The following TBC1D9 variants were observed in gnomAD, a reference collection of about 807,000 sequenced individuals.
The protein encoded by TBC1D9 is TBC1 domain family member 9.
Under a neutral mutation model 132.0 loss-of-function variants are expected in TBC1D9, and 63 were observed. That is an observed-to-expected ratio of 0.48 (90% CI 0.39 to 0.59). TBC1D9 has a LOEUF of 0.59. TBC1D9 is among the 20% of genes least tolerant of loss of function. The pLI is 0.00. For synonymous variants in TBC1D9, 610 were observed against 609.9 expected (o/e 1.00, Z 0.00); for missense variants, 1,261 against 1,592.7 (o/e 0.79, Z 3.54).
intron 15 of TBC1D9, among the ~76,000 whole-genome samples, chr4:140,638,670 G>A (rs1395823240): frequency 9.9e-5 from 15 of 152,004 alleles, no homozygotes; most frequent in Admixed American, 9.8e-4. Flanking sequence ...ATTAGGAAAG[G>A]AAAATCACAG....
intron 18 of TBC1D9, among the ~76,000 whole-genome samples, chr4:140,625,123 A>G (rs1361249769): frequency 1.3e-5 from 2 of 152,172 alleles, no homozygotes; most frequent in Non-Finnish European, 2.9e-5. Flanking sequence ...GCTTGCCCCA[A>G]TGAATGTTGA....
chr4:140,719,767 C>T, intron 1 of TBC1D9, among the ~76,000 whole-genome samples: 1 of 152,166 alleles, frequency 6.6e-6, no homozygotes, highest in East Asian at 1.9e-4. Flanking sequence ...TTCAAGGGTA[C>T]ATAGCTCAAG....
In TBC1D9 at chr4:140,690,338, A is replaced by G. The variant is rs374030774; in HGVS notation, c.242-3876T>C. ...TGCTGTCCCACACTGCCCACTGTCC[A>G]TCATTTCCATAATCCCCACCATCCA... On this transcript the variant is annotated intron_variant, in intron 2 of 20. Transcript: ENST00000442267. Among the ~76,000 whole-genome samples the G allele has an allele frequency of 2.0e-4, 31 of 152,186 alleles. No individual in the cohort carries two copies. In the East Asian group the frequency reaches 3.5e-3, roughly 17 times the overall value.
intron 1 of TBC1D9, among the ~76,000 whole-genome samples, chr4:140,718,146 G>A (rs143004610): frequency 2.6e-4 from 39 of 150,078 alleles, no homozygotes; most frequent in Admixed American, 1.0e-3. Context: ...TGAGTAAATA[G>A]TATATAGTTT....
chr4:140,625,123 A>T (rs1361249769), intron 18 of TBC1D9, among the ~76,000 whole-genome samples: 1 of 152,172 alleles, frequency 6.6e-6, no homozygotes, highest in Non-Finnish European at 1.5e-5. Flanking sequence ...GCTTGCCCCA[A>T]TGAATGTTGA....
intron 18 of TBC1D9, among the ~76,000 whole-genome samples, chr4:140,626,825 C>T (rs1440322701): frequency 6.6e-6 from 1 of 152,112 alleles, no homozygotes; most frequent in African/African-American, 2.4e-5. Context: ...CTGTTTTAGC[C>T]ACTCAATTCT....
chr4:140,726,488 C>T (rs1383714939), intron 1 of TBC1D9, among the ~76,000 whole-genome samples: 1 of 152,012 alleles, frequency 6.6e-6, no homozygotes. Context: ...AAAGTAGAGA[C>T]ATTCTCACAA....
intron 6 of TBC1D9, among the ~76,000 whole-genome samples, chr4:140,675,538 C>A (rs1343645324): frequency 6.6e-6 from 1 of 152,152 alleles, no homozygotes; most frequent in African/African-American, 2.4e-5. Context: ...AGCCTCACAG[C>A]AAAGCTTCCA....
At chr4:140,627,871 T>C (rs1736733217) in intron 17 of TBC1D9, among the ~76,000 whole-genome samples, 1 of 152,224 alleles carries the variant, frequency 6.6e-6, no homozygotes, top group Non-Finnish European at 1.5e-5. Flanking sequence ...CTACCTCTAT[T>C]GTTCGTGCCA....
At chr4:140,672,236 T>C (rs1737549414) in intron 6 of TBC1D9, among the ~76,000 whole-genome samples, 1 of 149,220 alleles carries the variant, frequency 6.7e-6, no homozygotes, top group East Asian at 1.9e-4. Context: ...ATACATTATA[T>C]ATTAAACATA....
chr4:140,674,883 T>G (rs1737598814), intron 6 of TBC1D9, among the ~76,000 whole-genome samples: 1 of 151,904 alleles, frequency 6.6e-6, no homozygotes, highest in Admixed American at 6.6e-5. Flanking sequence ...AAATTTTTAA[T>G]TTTTAATAGA....
chr4:140,743,423 G>A (rs1197259881), intron 1 of TBC1D9, among the ~76,000 whole-genome samples: 4 of 152,180 alleles, frequency 2.6e-5, no homozygotes, highest in Non-Finnish European at 5.9e-5. Context: ...TTTTAAATAA[G>A]GGAATTAAGC....
Position 140,668,433 on chromosome 4 carries a change from A to G in TBC1D9, c.1588+484T>C, listed in dbSNP as rs368771229. The stretch of plus-strand genomic sequence containing the variant: ...CTCTGGCCTCATCTTTATGGTTCCA[A>G]TGATGACCAAAGACTTCAGGAGGTG... On this transcript the variant is annotated intron_variant, in intron 9 of 20. Coordinates refer to ENST00000442267, the MANE Select transcript of TBC1D9 (RefSeq NM_015130.3). Among the ~76,000 whole-genome samples the G allele has an allele frequency of 1.4e-4, 21 of 152,276 alleles. 1 individual carries two copies. In the South Asian group the frequency reaches 3.9e-3, roughly 29 times the overall value.
chr4:140,641,536 C>T (rs1736994796), intron 13 of TBC1D9, among the ~76,000 whole-genome samples: 1 of 151,906 alleles, frequency 6.6e-6, no homozygotes. Context: ...TAAAATGTTT[C>T]TCGGGAAGCC....
chr4:140,718,868 C>T (rs1400279602), intron 1 of TBC1D9, among the ~76,000 whole-genome samples: 1 of 152,022 alleles, frequency 6.6e-6, no homozygotes, highest in African/African-American at 2.4e-5. Flanking sequence ...CACTTAAGGT[C>T]AAGAGTTCAA....
At chr4:140,635,162 G>T (rs1172448308) in intron 15 of TBC1D9, among the ~76,000 whole-genome samples, 1 of 151,760 alleles carries the variant, frequency 6.6e-6, no homozygotes, top group Non-Finnish European at 1.5e-5. Context: ...CTATAAGCAC[G>T]AATAAATATG....
rs928927184 is a variant in TBC1D9, at chr4:140,635,050, C to T, written c.2506-862G>A. The stretch of plus-strand genomic sequence containing the variant: ...AAGAACACCCTCAACCCCACACAGG[C>T]ATTTATAGTTAACTCTGGGTGGCAG... On this transcript the variant is annotated intron_variant, in intron 15 of 20. Coordinates refer to ENST00000442267, the MANE Select transcript of TBC1D9 (RefSeq NM_015130.3). Among the ~76,000 whole-genome samples, 3 of 152,140 alleles carry T rather than the reference C, an allele frequency of 2.0e-5. No homozygotes were observed. In the South Asian group the frequency reaches 6.2e-4, roughly 32 times the overall value.
chr4:140,734,754 T>C (rs1465170898), intron 1 of TBC1D9, among the ~76,000 whole-genome samples: 1 of 152,156 alleles, frequency 6.6e-6, no homozygotes, highest in Non-Finnish European at 1.5e-5. Context: ...ATGATCAAGC[T>C]GAATGCACTC....
At chr4:140,687,529 T>C (rs1357655124) in intron 2 of TBC1D9, among the ~76,000 whole-genome samples, 1 of 151,748 alleles carries the variant, frequency 6.6e-6, no homozygotes, top group South Asian at 2.1e-4. Context: ...TTTCTCTCTG[T>C]TCTTTGTCAT....
Sources: gnomAD v4.1 joint callset for allele counts (sites outside exome capture counted in the v4.1 genomes callset) on GRCh38, gnomAD v4.1.1 for gene constraint, MANE v1.5 for transcripts, NCBI Gene and HGNC (gene_info 2026-07-23, HGNC 2026-07-21) for gene names.